Variants in ADAMTS12 observed in about 807,000 individuals in gnomAD.
The protein encoded by ADAMTS12 is A disintegrin and metalloproteinase with thrombospondin motifs 12.
A neutral mutation model predicts 167.8 loss-of-function variants in ADAMTS12; 118 were observed. The observed-to-expected ratio is 0.70, with a 90% CI of 0.61 to 0.82. The LOEUF (loss-of-function observed/expected upper bound fraction) is 0.82, where lower values mean the gene tolerates loss of function less well. ADAMTS12 is among the 40% of genes least tolerant of loss of function. The pLI, the probability that ADAMTS12 is intolerant of heterozygous loss-of-function variation, is 0.00. For missense variants in ADAMTS12, 1,916 were observed against 1,998.8 expected (o/e 0.96, Z 0.79); for synonymous variants, 704 against 716.9 (o/e 0.98, Z 0.29).
chr5:33,561,893 C>G (rs1019133164), intron 19 of ADAMTS12, among the ~76,000 whole-genome samples: 1 of 152,200 alleles, frequency 6.6e-6, no homozygotes, highest in Non-Finnish European at 1.5e-5. Flanking sequence ...GTGTCTGCCC[C>G]TTGCCTCTCC....
chr5:33,579,321 G>A lies in ADAMTS12; in HGVS notation c.2866-2161C>T, dbSNP rs571968951. Among the ~76,000 whole-genome samples the A allele has an allele frequency of 7.8e-3, 1,191 of 152,326 alleles. 16 individuals carry two copies. The highest frequency in any genetic ancestry group is 0.028 in the African/African-American group (1,158 of 41,568). ...CTGCCTCAGGCAGGCTCAGTCTTGA[G>A]AGCTGACTGATAACTGAGGTCCCAG... is the stretch of plus-strand genomic sequence containing the variant. On this transcript the variant is annotated intron_variant, in intron 18 of 23. Transcript: ENST00000504830.
intron 2 of ADAMTS12, among the ~76,000 whole-genome samples, chr5:33,770,850 TCTTCCTCCTCCTCC>T (rs1745712149): frequency 1.3e-5 from 2 of 150,584 alleles, no homozygotes; most frequent in Admixed American, 6.6e-5. Flanking sequence ...CTCCTCCTCC[TCTTCCTCCTCCTCC>T]TCCTCTATTT....
At chr5:33,722,642 C>T (rs536076047) in intron 3 of ADAMTS12, among the ~76,000 whole-genome samples, 2 of 152,204 alleles carry the variant, frequency 1.3e-5, no homozygotes, top group South Asian at 2.1e-4. Flanking sequence ...TATGCAGAAA[C>T]GAAGACGATC....
chr5:33,578,952 T>A (rs372796990), intron 18 of ADAMTS12, among the ~76,000 whole-genome samples: 1 of 152,140 alleles, frequency 6.6e-6, no homozygotes, highest in East Asian at 1.9e-4. Context: ...ATAATAATAA[T>A]AATTTGGGCG....
At chr5:33,725,312 AC>A (rs1743943287) in intron 3 of ADAMTS12, among the ~76,000 whole-genome samples, 1 of 152,168 alleles carries the variant, frequency 6.6e-6, no homozygotes, top group Admixed American at 6.5e-5. Flanking sequence ...GGCTCCCTAG[AC>A]ACAGTCTCTC....
chr5:33,527,972 A>G (rs1743903333), intron 23 of ADAMTS12, among the ~76,000 whole-genome samples: 1 of 152,148 alleles, frequency 6.6e-6, no homozygotes. Flanking sequence ...ATGCATGTTT[A>G]TAGCAGCACA....
At chr5:33,721,912 G>T (rs187961748) in intron 3 of ADAMTS12, among the ~76,000 whole-genome samples, 4 of 152,322 alleles carry the variant, frequency 2.6e-5, no homozygotes, top group East Asian at 3.9e-4. Context: ...AAATGCCATG[G>T]TCTTTGTTCA....
chr5:33,684,317 C>T (rs1051186140), intron 3 of ADAMTS12, among the ~76,000 whole-genome samples: 7 of 151,486 alleles, frequency 4.6e-5, no homozygotes, highest in Admixed American at 3.3e-4. Flanking sequence ...ATTGAAAAGA[C>T]GTACCCAACA....
chr5:33,633,641 G>A (rs1740060417), intron 12 of ADAMTS12, among the ~76,000 whole-genome samples: 1 of 152,036 alleles, frequency 6.6e-6, no homozygotes, highest in African/African-American at 2.4e-5. Context: ...TCTGGCCTTT[G>A]TCTTTCATGG....
intron 2 of ADAMTS12, among the ~76,000 whole-genome samples, chr5:33,754,091 G>C (rs993736065): frequency 6.6e-6 from 1 of 152,128 alleles, no homozygotes; most frequent in African/African-American, 2.4e-5. Flanking sequence ...TGTACATCTA[G>C]TACCCAGGTG....
chr5:33,609,362 A>T (rs923516005), intron 16 of ADAMTS12, among the ~76,000 whole-genome samples: 8 of 142,882 alleles, frequency 5.6e-5, no homozygotes, highest in Non-Finnish European at 9.2e-5. Flanking sequence ...TATATTAAAA[A>T]TTTAACTTTT....
At chr5:33,734,083 G>A (rs577567295) in intron 3 of ADAMTS12, among the ~76,000 whole-genome samples, 30 of 151,846 alleles carry the variant, frequency 2.0e-4, no homozygotes, top group Non-Finnish European at 1.0e-4. Flanking sequence ...CTGAAAAAGC[G>A]CTGAGCAGAC....
chr5:33,728,553 C>G (rs367797448), intron 3 of ADAMTS12, among the ~76,000 whole-genome samples: 2 of 152,208 alleles, frequency 1.3e-5, no homozygotes, highest in African/African-American at 2.4e-5. Context: ...ATCAGCCTGG[C>G]CCTGGGCCTC....
intron 2 of ADAMTS12, among the ~76,000 whole-genome samples, chr5:33,851,496 G>T (rs1749219134): frequency 6.6e-6 from 1 of 152,166 alleles, no homozygotes; most frequent in African/African-American, 2.4e-5. Flanking sequence ...TTAACTAATT[G>T]AATTAAAAGG....
chr5:33,527,209 G>A lies in ADAMTS12; in HGVS notation c.4764C>T (p.Leu1588=). 1 of 1,614,114 alleles carries A rather than the reference G, an allele frequency of 6.2e-7. No individual in the cohort carries two copies. Among genetic ancestry groups the A allele is most frequent in the African/African-American group, 1.3e-5 (1 of 75,024 alleles). ...GGGCTTAGAGTTCTTTTGACTTTTG[G>A]AGCAACCGTTGCCTTCTTTGCCTTT... ...HTQRQRRQRL[L]QKSKEL Residue 1588 remains leucine (L), a synonymous_variant, in exon 24 of 24, where the codon CTC becomes CTT. Coordinates refer to ENST00000504830, the MANE Select transcript of ADAMTS12 (RefSeq NM_030955.4).
intron 17 of ADAMTS12, among the ~76,000 whole-genome samples, chr5:33,591,856 G>GTA (rs1338750906): frequency 2.6e-5 from 4 of 152,112 alleles, no homozygotes; most frequent in African/African-American, 9.7e-5. Context: ...TTGGCATCTA[G>GTA]TGGATAGAGT....
chr5:33,831,992 C>G (rs1748318231), intron 2 of ADAMTS12, among the ~76,000 whole-genome samples: 1 of 152,180 alleles, frequency 6.6e-6, no homozygotes. Flanking sequence ...AGGGTCCCTG[C>G]AAGGTAGCTG....
At chr5:33,613,496 G>A (rs1237626276) in intron 16 of ADAMTS12, among the ~76,000 whole-genome samples, 1 of 152,140 alleles carries the variant, frequency 6.6e-6, no homozygotes, top group African/African-American at 2.4e-5. Context: ...GAAGTGACTT[G>A]CAGCACTTCC....
intron 3 of ADAMTS12, among the ~76,000 whole-genome samples, chr5:33,734,383 A>T (rs1744295236): frequency 1.3e-5 from 2 of 152,224 alleles, no homozygotes; most frequent in South Asian, 4.1e-4. Context: ...GTACCTGAAG[A>T]AGAGCAGTAA....
Sources: gnomAD v4.1 joint callset for allele counts (sites outside exome capture counted in the v4.1 genomes callset) on GRCh38, gnomAD v4.1.1 for gene constraint, MANE v1.5 for transcripts, NCBI Gene and HGNC (gene_info 2026-07-23, HGNC 2026-07-21) for gene names.